SLC9C1: variants seen among roughly 807,000 people sequenced by gnomAD.
SLC9C1 encodes sodium/hydrogen exchanger 10.
Under a neutral mutation model 140.9 loss-of-function variants are expected in SLC9C1, and 97 were observed. The observed-to-expected ratio is 0.69, with a 90% CI of 0.58 to 0.82. The LOEUF (loss-of-function observed/expected upper bound fraction) is 0.82. Ranked by LOEUF, SLC9C1 falls within the 40% of genes least tolerant of loss-of-function variation. SLC9C1 has a pLI of 0.00. For synonymous variants in SLC9C1, 440 were observed against 442.6 expected (o/e 0.99, Z 0.07); for missense variants, 1,340 against 1,389.3 (o/e 0.96, Z 0.56).
intron 20 of SLC9C1, among the ~76,000 whole-genome samples, chr3:112,193,368 G>T (rs76041655): frequency 1.3e-5 from 2 of 152,156 alleles, no homozygotes; most frequent in Non-Finnish European, 2.9e-5. Context: ...TTCTGGTCTG[G>T]CATGTGGGCA....
rs541240925 is a variant in SLC9C1 at position 112,174,841 on chromosome 3, G to A, written c.2919+4690C>T. On this transcript the variant is annotated intron_variant, in intron 23 of 28. Transcript: ENST00000305815. ...ATTGTGGTGATCAGGCAAGGGTTGG[G>A]TCATTGTGCTGGAGTCCCAGGCCAG... is the stretch of plus-strand genomic sequence containing the variant. Among the ~76,000 whole-genome samples, 174 of 152,204 alleles carry A rather than the reference G, an allele frequency of 1.1e-3. 1 individual carries two copies. The highest frequency in any genetic ancestry group is 4.0e-3 in the African/African-American group (168 of 41,546).
intron 1 of SLC9C1, among the ~76,000 whole-genome samples, chr3:112,287,105 TACGCACTTGTTACCC>T (rs1429170944): frequency 6.6e-5 from 10 of 152,220 alleles, no homozygotes; most frequent in African/African-American, 2.4e-4. Context: ...TGCCAAGCAC[TACGCACTTGTTACCC>T]ACTCTGAATC....
rs2078417376 is a variant in SLC9C1 at position 112,217,544 on chromosome 3, G to A, written c.1688C>T (p.Thr563Ile). ...EKKGKCMSLD[T>I]IKNYSESQKT... is the part of the protein sequence containing the mutation. ...TTGGCTTTCAGAATAATTCTTTATTGTATCAAGACTCATACATCTAGAAAA... is the reference window on the plus strand; with the variant it reads ...TTGGCTTTCAGAATAATTCTTTATTATATCAAGACTCATACATCTAGAAAA... Residue 563 changes from threonine (T) to isoleucine (I), a missense_variant, in exon 15 of 29, where the codon ACA (threonine) becomes ATA (isoleucine). Transcript: ENST00000305815. 1 of 1,596,694 alleles carries A rather than the reference G, an allele frequency of 6.3e-7. No individual in the cohort carries two copies. The highest frequency in any genetic ancestry group is 8.5e-7 in the Non-Finnish European group (1 of 1,172,524).
At chr3:112,167,109 A>G in intron 26 of SLC9C1, 112 bp downstream of exon 26, 1 of 1,198,840 alleles carries the variant, frequency 8.3e-7, no homozygotes, top group Non-Finnish European at 1.2e-6. Flanking sequence ...GGCAGTTAAA[A>G]GGATTCCTCA....
At chr3:112,184,727 C>T (rs879338499) in intron 20 of SLC9C1, among the ~76,000 whole-genome samples, 18 of 152,244 alleles carry the variant, frequency 1.2e-4, no homozygotes, top group Non-Finnish European at 2.1e-4. Flanking sequence ...CTGCTGTCCA[C>T]TAACCACAAG....
intron 13 of SLC9C1, among the ~76,000 whole-genome samples, chr3:112,222,068 A>G (rs2078556035): frequency 6.6e-6 from 1 of 152,118 alleles, no homozygotes; most frequent in South Asian, 2.1e-4. Flanking sequence ...AACTTTTCCC[A>G]TAATTACAGG....
intron 10 of SLC9C1, among the ~76,000 whole-genome samples, chr3:112,253,383 A>G (rs2079517884): frequency 6.6e-6 from 1 of 152,166 alleles, no homozygotes; most frequent in South Asian, 2.1e-4. Flanking sequence ...CAGGGCATTG[A>G]CAGAGAGCAT....
Position 112,277,573 on chromosome 3 carries a change from C to T in SLC9C1, c.484+122G>A, listed in dbSNP as rs556659537. ...CCAGAATCTCTGCTTAATCCTCAAC[C>T]CCCAATCCCTCACTACCTGACTTCT... On this transcript the variant is annotated intron_variant, in intron 5 of 28. Transcript: ENST00000305815. 24 of 817,622 alleles carry T rather than the reference C, an allele frequency of 2.9e-5. No individual in the cohort carries two copies. In the African/African-American group the frequency reaches 3.4e-4, roughly 12 times the overall value. 50.6% of individuals were successfully genotyped at this position (817,622 alleles called of 1,614,324 possible).
chr3:112,215,399 G>C (rs1399428069), intron 15 of SLC9C1, among the ~76,000 whole-genome samples: 1 of 152,074 alleles, frequency 6.6e-6, no homozygotes, highest in Non-Finnish European at 1.5e-5. Context: ...TAGTCAATTA[G>C]GAAAAGAGGA....
At chr3:112,159,166 T>A (rs1359500264) in intron 26 of SLC9C1, among the ~76,000 whole-genome samples, 2 of 151,902 alleles carry the variant, frequency 1.3e-5, no homozygotes, top group South Asian at 2.1e-4. Flanking sequence ...TTGGTTTTGC[T>A]ATATCTCATA....
intron 23 of SLC9C1, among the ~76,000 whole-genome samples, chr3:112,170,582 A>G (rs2077227269): frequency 6.6e-6 from 1 of 152,218 alleles, no homozygotes; most frequent in African/African-American, 2.4e-5. Context: ...ATAGAAAACA[A>G]ATTACTAACA....
At chr3:112,148,384 C>T (rs1169393271) in intron 28 of SLC9C1, among the ~76,000 whole-genome samples, 1 of 152,200 alleles carries the variant, frequency 6.6e-6, no homozygotes. Context: ...TCTGGAGACA[C>T]TGGCACTTCT....
intron 20 of SLC9C1, among the ~76,000 whole-genome samples, chr3:112,188,688 A>G (rs754933572): frequency 3.3e-5 from 5 of 152,298 alleles, no homozygotes; most frequent in Middle Eastern, 3.4e-3. Flanking sequence ...TAGTGTTGCA[A>G]TGAACATACG....
At chr3:112,160,376 T>G (rs1560013004) in intron 26 of SLC9C1, among the ~76,000 whole-genome samples, 1 of 151,462 alleles carries the variant, frequency 6.6e-6, no homozygotes, top group Admixed American at 6.6e-5. Flanking sequence ...CCCACTAACT[T>G]GTCATCTAGC....
At chr3:112,246,873 G>C (rs570770874) in intron 10 of SLC9C1, among the ~76,000 whole-genome samples, 2 of 152,158 alleles carry the variant, frequency 1.3e-5, no homozygotes, top group East Asian at 3.8e-4. Context: ...ACAATCTGAA[G>C]GTTAAATGCA....
At chr3:112,217,351 A>T in intron 15 of SLC9C1, 91 bp downstream of exon 15, 1 of 1,450,940 alleles carries the variant, frequency 6.9e-7, no homozygotes. Flanking sequence ...ATAGTATAAT[A>T]ACAAAAAATT....
At chr3:112,152,532 C>T (rs6766622) in intron 27 of SLC9C1, among the ~76,000 whole-genome samples, 45,233 of 151,586 alleles carry the variant, frequency 0.3, 6,957 homozygotes, top group East Asian at 0.35. Flanking sequence ...ATCTCAACTG[C>T]AAAGAGGCCT....
chr3:112,264,407 G>T (rs2079862528), intron 8 of SLC9C1, 64 bp from the exon 9 acceptor site: 1 of 982,242 alleles, frequency 1.0e-6, no homozygotes, highest in South Asian at 2.8e-5. Flanking sequence ...TTATTACAAG[G>T]TTTATCTATG....
intron 23 of SLC9C1, among the ~76,000 whole-genome samples, chr3:112,172,664 G>A (rs1039906819): frequency 6.6e-6 from 1 of 152,080 alleles, no homozygotes; most frequent in Non-Finnish European, 1.5e-5. Context: ...TAGATGTGAT[G>A]TTAGCTGTAA....
Sources: gnomAD v4.1 joint callset for allele counts (sites outside exome capture counted in the v4.1 genomes callset) on GRCh38, gnomAD v4.1.1 for gene constraint, MANE v1.5 for transcripts, NCBI Gene and HGNC (gene_info 2026-07-23, HGNC 2026-07-21) for gene names.